Variants in CARHSP1 observed in about 807,000 individuals in gnomAD.
The protein encoded by CARHSP1 is calcium-regulated heat-stable protein 1.
Under a neutral mutation model 12.5 loss-of-function variants are expected in CARHSP1, and 14 were observed. The ratio of observed to expected loss-of-function variants is 1.12; its 90% CI spans 0.74 to 1.75. CARHSP1 has a LOEUF of 1.75. Ranked by LOEUF, CARHSP1 falls within the 40% of genes most tolerant of loss-of-function variation. The pLI, the probability that CARHSP1 is intolerant of heterozygous loss-of-function variation, is 0.00. For missense variants in CARHSP1, 343 were observed against 201.6 expected, an observed-to-expected ratio of 1.70 and a Z score of -4.25; for synonymous variants, 161 against 82.0, an observed-to-expected ratio of 1.96 and a Z score of -5.20.
In CARHSP1 at chr16:8,855,006, C is replaced by A; in HGVS notation, c.*158G>T. On this transcript the variant is annotated 3_prime_UTR_variant, in exon 4 of 4. Coordinates refer to ENST00000311052, the MANE Select transcript of CARHSP1 (RefSeq NM_014316.4). ...ATGGCCGGGAACACCCCACACCCCA[C>A]ACCTGCCCCCCATACCCCTTCCTCC... The A allele has an allele frequency of 5.8e-6, 3 of 512,840 alleles. No homozygotes were observed. Among genetic ancestry groups the A allele is most frequent in the South Asian group, 3.1e-5 (1 of 32,420 alleles). The allele number at this position is 512,840 out of a possible 1,614,324, so 31.8% of individuals were successfully genotyped here. A position where few individuals can be genotyped will look rare whatever the true frequency, so the allele number is the denominator to read the frequency against.
chr16:8,855,793 C>T (rs1297601567), intron 3 of CARHSP1, among the ~76,000 whole-genome samples: 1 of 152,198 alleles, frequency 6.6e-6, no homozygotes, highest in African/African-American at 2.4e-5. Flanking sequence ...AGAAACCGCA[C>T]CGTGTCTTTG....
chr16:8,863,716 G>A (rs1386774915), intron 1 of CARHSP1, among the ~76,000 whole-genome samples: 3 of 152,156 alleles, frequency 2.0e-5, no homozygotes, highest in Non-Finnish European at 4.4e-5. Context: ...AGGAGTGAAT[G>A]GCCTCAGTGC....
Position 8,859,339 on chromosome 16 carries a change from G to T in CARHSP1, c.-7-4C>A, listed in dbSNP as rs766993521. ...AGGCTCAGATGACATGGCTGACCTGGAAAGAGAAGAGGCTGTCAGGGGCTC... is the reference window on the plus strand; with the variant it reads ...AGGCTCAGATGACATGGCTGACCTGTAAAGAGAAGAGGCTGTCAGGGGCTC... On this transcript the variant is annotated splice_region_variant and splice_polypyrimidine_tract_variant and intron_variant, in intron 1 of 3. Coordinates refer to ENST00000311052, the MANE Select transcript of CARHSP1 (RefSeq NM_014316.4). 2 of 1,597,648 alleles carry T rather than the reference G, an allele frequency of 1.3e-6. No individual in the cohort carries two copies. Among genetic ancestry groups the T allele is most frequent in the Non-Finnish European group, 1.7e-6 (2 of 1,177,910 alleles).
At chr16:8,860,556 T>C in intron 1 of CARHSP1, 1 of 983,448 alleles carries the variant, frequency 1.0e-6, no homozygotes, top group Non-Finnish European at 1.2e-6. Flanking sequence ...TTCCCATCTC[T>C]GGGCTCAGTT....
intron 1 of CARHSP1, chr16:8,861,730 A>G: frequency 7.8e-7 from 1 of 1,287,206 alleles, no homozygotes; most frequent in Non-Finnish European, 1.0e-6. Flanking sequence ...GGGAGCCCCC[A>G]CCTCAAAAAG....
At chr16:8,859,617 G>A (rs1033164822) in intron 1 of CARHSP1, among the ~76,000 whole-genome samples, 10 of 152,056 alleles carry the variant, frequency 6.6e-5, no homozygotes, top group Non-Finnish European at 1.2e-4. Flanking sequence ...CCAGCACAAG[G>A]CATGGATCCC....
Position 8,853,502 on chromosome 16 carries a change from A to G in CARHSP1, c.*1662T>C, listed in dbSNP as rs2061003520. The G allele has an allele frequency of 6.6e-6, 1 of 152,072 alleles. No individual in the cohort carries two copies. The allele number at this position is 152,072 out of a possible 1,614,324, so 9.4% of individuals were successfully genotyped here. ...TCAACATGCGTATTTGCTATTCTCA[A>G]ACAACTCCCTTCCACCCCCTTAGGC... On this transcript the variant is annotated 3_prime_UTR_variant, in exon 4 of 4. Transcript: ENST00000311052.
intron 1 of CARHSP1, among the ~76,000 whole-genome samples, chr16:8,866,787 A>AG (rs138672052): frequency 0.021 from 3,200 of 151,972 alleles, 110 homozygotes; most frequent in African/African-American, 0.074. Flanking sequence ...GGCCGGAGTC[A>AG]GCCCTCCGCT....
At chr16:8,859,602 T>C (rs2061279113) in intron 1 of CARHSP1, among the ~76,000 whole-genome samples, 1 of 151,932 alleles carries the variant, frequency 6.6e-6, no homozygotes, top group Non-Finnish European at 1.5e-5. Context: ...GTCCCCTCTG[T>C]GTCCCCAGCA....
Position 8,855,050 on chromosome 16 carries a change from A to C in CARHSP1, c.*114T>G. On this transcript the variant is annotated 3_prime_UTR_variant, in exon 4 of 4. Coordinates refer to ENST00000311052, the MANE Select transcript of CARHSP1 (RefSeq NM_014316.4). ...TTCCTCCAGGAGATACTTGAGAGGG[A>C]CCATGCCCGGCTGAAGCCCCGTCTC... The C allele has an allele frequency of 1.3e-6, 1 of 758,618 alleles. No homozygotes were observed. The highest frequency in any genetic ancestry group is 1.9e-6 in the Non-Finnish European group (1 of 535,206). 47.0% of individuals were successfully genotyped at this position (758,618 alleles called of 1,614,324 possible).
At chr16:8,861,989 C>CTTTTTTTTTTTTTTTTTTTTTTT (rs537614451) in intron 1 of CARHSP1, among the ~76,000 whole-genome samples, 6 of 79,804 alleles carry the variant, frequency 7.5e-5, no homozygotes, top group South Asian at 5.9e-4. Flanking sequence ...GCATAGCTGA[C>CTTTTTTTTTTTTTTTTTTTTTTT]TTTTTTTTTT....
chr16:8,857,763 T>C (rs71380924), intron 3 of CARHSP1: 1 of 136,458 alleles, frequency 7.3e-6, no homozygotes. Flanking sequence ...CTCATTATTT[T>C]TTTTTTTTTT....
chr16:8,860,979 G>A lies in CARHSP1; in HGVS notation c.-7-1644C>T, dbSNP rs2061334223. Among the ~76,000 whole-genome samples, 4 of 147,204 alleles carry A rather than the reference G, an allele frequency of 2.7e-5. No individual in the cohort carries two copies. In the South Asian group the frequency reaches 8.8e-4, roughly 32 times the overall value. Reference sequence around the variant, plus strand: ...GCTGGAGAATTGCTTGAACCAGGGAGCTGTGGGTTGCAATGAGCCGAGATC... The same window carrying A: ...GCTGGAGAATTGCTTGAACCAGGGAACTGTGGGTTGCAATGAGCCGAGATC... On this transcript the variant is annotated intron_variant, in intron 1 of 3. Transcript: ENST00000311052.
chr16:8,858,210 C>T (rs539183725), intron 3 of CARHSP1, 140 bp downstream of exon 3: 1,164 of 1,018,166 alleles, frequency 1.1e-3, no homozygotes, highest in Non-Finnish European at 1.5e-3. Flanking sequence ...AGCTGGAGCA[C>T]CAGCCACAGG....
intron 3 of CARHSP1, among the ~76,000 whole-genome samples, chr16:8,856,260 TGAAACCCCCCCAGAGG>T (rs1567180119): frequency 6.6e-6 from 1 of 152,146 alleles, no homozygotes; most frequent in African/African-American, 2.4e-5. Flanking sequence ...GTCCCCTTGA[TGAAACCCCCCCAGAGG>T]AAAACCCCCT....
At chr16:8,863,796 C>G (rs966147444) in intron 1 of CARHSP1, among the ~76,000 whole-genome samples, 4 of 152,178 alleles carry the variant, frequency 2.6e-5, no homozygotes, top group African/African-American at 7.2e-5. Context: ...CACCCAGAAG[C>G]CAGCTCTGAG....
At chr16:8,868,663 G>A (rs1352423768) in intron 1 of CARHSP1, 1 of 151,978 alleles carries the variant, frequency 6.6e-6, no homozygotes, top group Non-Finnish European at 1.5e-5. Flanking sequence ...CAAAAGCAGC[G>A]GGGAGGGCGG....
rs2061224705 is a variant in CARHSP1, at chr16:8,858,433, G to A, written c.198C>T (p.Val66=). 6.2e-7 allele frequency: 1 copy of A among 1,614,056 alleles called. No individual in the cohort carries two copies. Residue 66 remains valine (V), a synonymous_variant, in exon 3 of 4, where the codon GTC becomes GTT. Coordinates refer to ENST00000311052, the MANE Select transcript of CARHSP1 (RefSeq NM_014316.4). ...RASQGPVYKG[V]CKCFCRSKGH... is the part of the protein sequence containing the mutation. ...CCTTGGACCGGCAGAAGCATTTGCA[G>A]ACTCCTTTGTAGACGGGGCCCTGTG...
In CARHSP1 at chr16:8,854,005, C is replaced by G. The variant is rs1232432992; in HGVS notation, c.*1159G>C. The G allele has an allele frequency of 6.6e-6, 1 of 152,254 alleles. No individual in the cohort carries two copies. Among genetic ancestry groups the G allele is most frequent in the East Asian group, 1.9e-4 (1 of 5,166 alleles). 9.4% of individuals were successfully genotyped at this position (152,254 alleles called of 1,614,324 possible). A position where few individuals can be genotyped will look rare whatever the true frequency, so the allele number is the denominator to read the frequency against. On this transcript the variant is annotated 3_prime_UTR_variant, in exon 4 of 4. Transcript: ENST00000311052. ...GGAGACTGAGGCGGAATTGCCAGAA[C>G]CCTGGAGGGCAGAGGTTGCAGTAAG...
Sources: allele counts gnomAD v4.1 joint callset (sites outside exome capture counted in the v4.1 genomes callset), GRCh38; gene constraint gnomAD v4.1.1; transcripts MANE v1.5; gene names NCBI Gene and HGNC (gene_info 2026-07-23, HGNC 2026-07-21).